The following MMRN1 variants were observed in gnomAD, a reference collection of about 807,000 sequenced individuals.
The protein encoded by MMRN1 is multimerin-1.
Under a neutral mutation model 100.7 loss-of-function variants are expected in MMRN1, and 94 were observed. The observed-to-expected ratio is 0.93, with a 90% CI of 0.79 to 1.11. MMRN1 has a LOEUF of 1.11. Among genes scored for constraint, MMRN1 ranks in the 50% least tolerant of loss-of-function variants. The pLI, the probability that MMRN1 is intolerant of heterozygous loss-of-function variation, is 0.00. For missense variants in MMRN1, 1,606 were observed against 1,439.1 expected (o/e 1.12, Z -1.88); for synonymous variants, 575 against 505.0 (o/e 1.14, Z -1.86).
At position 89,935,075 on chromosome 4, in the gene MMRN1, T is replaced by C. The variant is rs138127460; in HGVS notation, c.1395T>C (p.Asn465=). Residue 465 remains asparagine, a synonymous_variant, in exon 6 of 8, where the codon AAT becomes AAC. Transcript: ENST00000264790. ...DIVELRNHIV[N]VRQEMTLTCE... is the part of the protein sequence containing the mutation. Reference sequence around the variant, plus strand: ...TGGAACTAAGGAATCACATTGTGAATGTAAGGCAAGAAATGACTCTTACAT... The same window carrying C: ...TGGAACTAAGGAATCACATTGTGAACGTAAGGCAAGAAATGACTCTTACAT... The C allele has an allele frequency of 5.9e-4, 949 of 1,613,770 alleles. 2 individuals are homozygous for C. In the African/African-American group the frequency reaches 9.6e-3, roughly 16 times the overall value.
intron 5 of MMRN1, among the ~76,000 whole-genome samples, chr4:89,929,977 A>G (rs535763137): frequency 1.3e-5 from 2 of 152,302 alleles, no homozygotes; most frequent in South Asian, 4.1e-4. Context: ...AAATGTTATT[A>G]AAAGGCCATA....
chr4:89,924,894 G>A (rs1722200308), intron 4 of MMRN1, among the ~76,000 whole-genome samples: 1 of 151,980 alleles, frequency 6.6e-6, no homozygotes, highest in Non-Finnish European at 1.5e-5. Context: ...TTAACTTTCA[G>A]TTTTTGTGGG....
chr4:89,889,905 A>G (rs944348569), upstream of MMRN1, among the ~76,000 whole-genome samples: 1 of 152,062 alleles, frequency 6.6e-6, no homozygotes, highest in African/African-American at 2.4e-5. Context: ...CTGCATTTCT[A>G]TACCTTGGAA....
intron 3 of MMRN1, among the ~76,000 whole-genome samples, chr4:89,920,694 T>A (rs1040341517): frequency 6.6e-5 from 10 of 152,138 alleles, no homozygotes. Context: ...ATATATCTAG[T>A]ATTTTCTGCA....
rs775293061 is a variant in MMRN1, at chr4:89,912,031, G to T, written c.831G>T (p.Gly277=). The stretch of plus-strand genomic sequence containing the variant: ...GGAGGTGCTGTCCTGGATACAGTGG[G>T]CCGAAATGTCAACTAAGAGGTACAC... ...LDWRCCPGYS[G]PKCQLRAQEQ... is the part of the protein sequence containing the mutation. The change falls in exon 3 of 8, where the codon GGG becomes GGT. Residue 277 remains glycine (G), a synonymous_variant. Transcript: ENST00000264790. The T allele has an allele frequency of 1.9e-6, 3 of 1,597,164 alleles. No individual in the cohort carries two copies. Among genetic ancestry groups the T allele is most frequent in the Non-Finnish European group, 2.6e-6 (3 of 1,170,222 alleles).
At chr4:89,886,236 C>T (rs1432462983) in intron 1 of MMRN1, among the ~76,000 whole-genome samples, 4 of 151,858 alleles carry the variant, frequency 2.6e-5, no homozygotes, top group Non-Finnish European at 4.4e-5. Flanking sequence ...CAAAATTGCA[C>T]AAAATTTGAT....
intron 3 of MMRN1, among the ~76,000 whole-genome samples, chr4:89,912,396 T>G (rs764090564): frequency 1.3e-5 from 2 of 151,344 alleles, no homozygotes; most frequent in Non-Finnish European, 3.0e-5. Flanking sequence ...TTATTAGAAG[T>G]GACTCAATAT....
At chr4:89,907,489 A>T (rs1721604160) in intron 1 of MMRN1, among the ~76,000 whole-genome samples, 1 of 151,342 alleles carries the variant, frequency 6.6e-6, no homozygotes, top group South Asian at 2.1e-4. Context: ...TCCTCTTGGA[A>T]TTCATTAAGC....
At chr4:89,943,223 C>T (rs1470194393) in intron 6 of MMRN1, among the ~76,000 whole-genome samples, 2 of 152,148 alleles carry the variant, frequency 1.3e-5, no homozygotes, top group Non-Finnish European at 2.9e-5. Flanking sequence ...ATAAAAAATA[C>T]TTACTATCCC....
At chr4:89,919,794 G>A (rs962745062) in intron 3 of MMRN1, among the ~76,000 whole-genome samples, 7 of 152,116 alleles carry the variant, frequency 4.6e-5, no homozygotes, top group African/African-American at 1.7e-4. Flanking sequence ...TTCTTTTTCA[G>A]TGTCTTTGAT....
At chr4:89,909,616 G>C (rs1721683114) in intron 2 of MMRN1, among the ~76,000 whole-genome samples, 1 of 151,380 alleles carries the variant, frequency 6.6e-6, no homozygotes, top group Non-Finnish European at 1.5e-5. Flanking sequence ...ATTTAGCCTA[G>C]TGCCTTGTGC....
chr4:89,916,147 A>G (rs1347267595), intron 3 of MMRN1, among the ~76,000 whole-genome samples: 1 of 149,780 alleles, frequency 6.7e-6, no homozygotes, highest in Non-Finnish European at 1.5e-5. Context: ...GAATGCAAGT[A>G]CTGAACTCCA....
chr4:89,931,597 G>T (rs1380088265), intron 5 of MMRN1, among the ~76,000 whole-genome samples: 2 of 152,092 alleles, frequency 1.3e-5, no homozygotes, highest in African/African-American at 2.4e-5. Context: ...AGGTTTGATG[G>T]ACTCACAGTT....
upstream of MMRN1, among the ~76,000 whole-genome samples, chr4:89,893,636 G>C (rs532925024): frequency 7.2e-5 from 11 of 152,214 alleles, no homozygotes; most frequent in Non-Finnish European, 1.0e-4. Context: ...ACAGAAAAAT[G>C]GGTTACACAT....
intron 6 of MMRN1, among the ~76,000 whole-genome samples, chr4:89,939,637 G>A (rs1422655323): frequency 6.6e-6 from 1 of 152,080 alleles, no homozygotes; most frequent in African/African-American, 2.4e-5. Flanking sequence ...CTTGGCTTCT[G>A]GCCAGCTAGA....
chr4:89,927,947 GA>G lies in MMRN1; in HGVS notation c.1110del (p.Glu370AspfsTer6). On this transcript the variant is annotated frameshift_variant, in exon 5 of 8. Coordinates refer to ENST00000264790, the MANE Select transcript of MMRN1 (RefSeq NM_007351.3). LOFTEE classifies it high-confidence loss of function. ...AAAAGTCAGCGAAGATAAAAGCAGA[GA>G]ATTTCAATCTCTTCTAAAAGGTAAA... ...EGKVSEDKSR[E>X]FQSLLKGLKS... is the part of the protein sequence containing the mutation. 1 of 1,595,654 alleles carries G rather than the reference GA, an allele frequency of 6.3e-7. No individual in the cohort carries two copies. Among genetic ancestry groups the G allele is most frequent in the Non-Finnish European group, 8.5e-7 (1 of 1,172,536 alleles).
rs964946301 is a variant in MMRN1 at position 89,934,212 on chromosome 4, G to A, written c.1130-598G>A. 7.2e-5 allele frequency among the ~76,000 whole-genome samples: 11 copies of A among 152,062 alleles called. No individual in the cohort carries two copies. The East Asian group carries it at 2.1e-3, about 29-fold the overall frequency. ...TGAATTCCTATTTTCGTTGGAGGAA[G>A]ACTTAATTTTGAAATCCCCAAATCT... On this transcript the variant is annotated intron_variant, in intron 5 of 7. Coordinates refer to ENST00000264790, the MANE Select transcript of MMRN1 (RefSeq NM_007351.3).
At chr4:89,895,842 T>C (rs1721189989) in intron 1 of MMRN1, among the ~76,000 whole-genome samples, 1 of 152,216 alleles carries the variant, frequency 6.6e-6, no homozygotes, top group Non-Finnish European at 1.5e-5. Flanking sequence ...CTTATAGAGG[T>C]AGTTTTACTT....
intron 1 of MMRN1, among the ~76,000 whole-genome samples, chr4:89,895,890 CT>C (rs1721191393): frequency 6.6e-6 from 1 of 152,076 alleles, no homozygotes; most frequent in Admixed American, 6.6e-5. Flanking sequence ...ACCACGGTGG[CT>C]GTTAGTTTAA....
Sources: allele counts gnomAD v4.1 joint callset (sites outside exome capture counted in the v4.1 genomes callset), GRCh38; gene constraint gnomAD v4.1.1; transcripts MANE v1.5; gene names NCBI Gene and HGNC (gene_info 2026-07-23, HGNC 2026-07-21).